The following IL1RAPL2 variants were observed in gnomAD, a reference collection of about 807,000 sequenced individuals.
IL1RAPL2 encodes the protein interleukin 1 receptor accessory protein like 2, also known as X-linked interleukin-1 receptor accessory protein-like 2.
A neutral mutation model predicts 44.1 loss-of-function variants in IL1RAPL2; 3 were observed. The observed-to-expected ratio is 0.07, with a 90% CI of 0.03 to 0.18. The LOEUF is 0.18. IL1RAPL2 is among the 10% of genes least tolerant of loss of function. The pLI, the probability that IL1RAPL2 is intolerant of heterozygous loss-of-function variation, is 1.00. For synonymous variants in IL1RAPL2, 181 were observed against 178.8 expected, an observed-to-expected ratio of 1.01 and a Z score of -0.10; for missense variants, 391 against 496.4, an observed-to-expected ratio of 0.79 and a Z score of 2.02.
At chrX:104,712,082 G>A (rs761042735) in intron 2 of IL1RAPL2, among the ~76,000 whole-genome samples, 8 of 111,041 alleles carry the variant, frequency 7.2e-5, no homozygotes, top group Non-Finnish European at 1.5e-4. Flanking sequence ...TAAATGATCA[G>A]CTGCTGTAAT....
chrX:104,829,517 A>G (rs867199891), intron 2 of IL1RAPL2, among the ~76,000 whole-genome samples: 4 of 112,127 alleles, frequency 3.6e-5, no homozygotes, highest in African/African-American at 1.3e-4. Context: ...AAATGCAGAA[A>G]TCACCCACCT....
intron 2 of IL1RAPL2, among the ~76,000 whole-genome samples, chrX:105,189,397 ATT>A (rs1310706314): frequency 4.5e-5 from 5 of 111,195 alleles, no homozygotes; most frequent in Non-Finnish European, 9.4e-5. Flanking sequence ...TGCCCCGCTA[ATT>A]TTTGTATTCT....
chrX:105,250,412 G>A (rs757601518), intron 4 of IL1RAPL2, among the ~76,000 whole-genome samples: 19 of 110,716 alleles, frequency 1.7e-4, no homozygotes, highest in Admixed American at 1.2e-3. Flanking sequence ...ATAAATATTC[G>A]TTCATCAATT....
chrX:105,065,372 T>G, intron 2 of IL1RAPL2, among the ~76,000 whole-genome samples: 1 of 111,714 alleles, frequency 9.0e-6, no homozygotes, highest in Non-Finnish European at 1.9e-5. Flanking sequence ...ATAGATTATT[T>G]ATATTAATTT....
At chrX:104,670,940 A>G (rs775465479) in intron 2 of IL1RAPL2, among the ~76,000 whole-genome samples, 3 of 111,046 alleles carry the variant, frequency 2.7e-5, no homozygotes, top group East Asian at 5.7e-4. Context: ...TAGATGCAAG[A>G]CCTCTACTTA....
intron 5 of IL1RAPL2, among the ~76,000 whole-genome samples, chrX:105,484,050 A>G (rs2036249622): frequency 9.0e-6 from 1 of 111,619 alleles, no homozygotes; most frequent in Admixed American, 9.6e-5. Flanking sequence ...AAAACCACCC[A>G]AAATAGTCCA....
At chrX:105,076,561 G>A (rs1315458803) in intron 2 of IL1RAPL2, among the ~76,000 whole-genome samples, 6 of 110,640 alleles carry the variant, frequency 5.4e-5, no homozygotes, top group African/African-American at 2.0e-4. Context: ...TATTAGGTCC[G>A]CTTGGTGCAG....
chrX:104,584,622 A>G (rs776204945), intron 1 of IL1RAPL2, among the ~76,000 whole-genome samples: 1 of 111,050 alleles, frequency 9.0e-6, no homozygotes, highest in East Asian at 2.8e-4. Flanking sequence ...AAAAGCTCCT[A>G]AGTGAAAAAC....
At chrX:105,493,208 G>A (rs796548281) in intron 6 of IL1RAPL2, among the ~76,000 whole-genome samples, 1 of 111,690 alleles carries the variant, frequency 9.0e-6, no homozygotes. Context: ...TGGCTCTTAT[G>A]AACAATGCTG....
chrX:105,112,969 G>T (rs547988904), intron 2 of IL1RAPL2, among the ~76,000 whole-genome samples: 1 of 112,724 alleles, frequency 8.9e-6, no homozygotes, highest in Admixed American at 9.3e-5. Context: ...TCTTTTAAAA[G>T]ATTGCTAGGC....
chrX:104,917,559 C>G (rs1273005745), intron 2 of IL1RAPL2, among the ~76,000 whole-genome samples: 1 of 111,707 alleles, frequency 9.0e-6, no homozygotes, highest in Non-Finnish European at 1.9e-5. Flanking sequence ...AAGTCACTAA[C>G]ATGCAGGAAT....
At chrX:104,701,254 C>A (rs1274835595) in intron 2 of IL1RAPL2, among the ~76,000 whole-genome samples, 1 of 111,698 alleles carries the variant, frequency 9.0e-6, no homozygotes, top group African/African-American at 3.3e-5. Context: ...AATTTTCACA[C>A]AAATGTTGCA....
At chrX:105,073,675 T>C (rs1227652265) in intron 2 of IL1RAPL2, among the ~76,000 whole-genome samples, 15 of 111,528 alleles carry the variant, frequency 1.3e-4, no homozygotes, top group Non-Finnish European at 2.8e-4. Flanking sequence ...TGTAAAAGTG[T>C]TCCTATTTTT....
chrX:104,744,238 C>T (rs1932137950), intron 2 of IL1RAPL2, among the ~76,000 whole-genome samples: 1 of 110,800 alleles, frequency 9.0e-6, no homozygotes, highest in African/African-American at 3.3e-5. Flanking sequence ...AACCGCACTT[C>T]AGGAGGGAAG....
intron 6 of IL1RAPL2, among the ~76,000 whole-genome samples, chrX:105,581,736 T>A (rs2037090367): frequency 9.0e-6 from 1 of 111,511 alleles, no homozygotes. Context: ...AGCCTCTTGA[T>A]GACATTGTTA....
chrX:105,042,073 A>T (rs1486190683), intron 2 of IL1RAPL2, among the ~76,000 whole-genome samples: 5 of 111,538 alleles, frequency 4.5e-5, no homozygotes, highest in African/African-American at 9.8e-5. Context: ...TATAAAAATC[A>T]ATTCAAGATG....
intron 1 of IL1RAPL2, among the ~76,000 whole-genome samples, chrX:104,572,307 G>C (rs749839770): frequency 2.7e-5 from 3 of 111,535 alleles, no homozygotes; most frequent in Non-Finnish European, 3.8e-5. Context: ...GAAGTTTAAG[G>C]CTCTTTAATA....
intron 6 of IL1RAPL2, among the ~76,000 whole-genome samples, chrX:105,493,182 G>A (rs897324988): frequency 8.9e-6 from 1 of 111,835 alleles, no homozygotes; most frequent in Non-Finnish European, 1.9e-5. Flanking sequence ...CTGACATTTT[G>A]ATCATTTGTA....
rs2036757825 is a variant in IL1RAPL2 at position 105,542,995 on chromosome X, A to G, written c.772+58608A>G. Among the ~76,000 whole-genome samples, 3 of 111,418 alleles carry G rather than the reference A, an allele frequency of 2.7e-5. No individual in the cohort carries two copies. In the Admixed American group the frequency reaches 2.9e-4, roughly 11 times the overall value. On this transcript the variant is annotated intron_variant, in intron 6 of 10. Coordinates refer to ENST00000372582, the MANE Select transcript of IL1RAPL2 (RefSeq NM_017416.2). ...ATAGTATCCTCTATTTAACTACTAT[A>G]CTACACTACATAACTACCACTGTTT...
Sources: gnomAD v4.1 joint callset for allele counts (sites outside exome capture counted in the v4.1 genomes callset) on GRCh38, gnomAD v4.1.1 for gene constraint, MANE v1.5 for transcripts, NCBI Gene and HGNC (gene_info 2026-07-23, HGNC 2026-07-21) for gene names.